The following CAMK1D variants were observed in gnomAD, a reference collection of about 807,000 sequenced individuals.
The protein encoded by CAMK1D is calcium/calmodulin dependent protein kinase ID.
CAMK1D carries 9 observed loss-of-function variants against 47.7 expected under a neutral mutation model. The observed-to-expected ratio is 0.19, with a 90% confidence interval of 0.11 to 0.33. The LOEUF is 0.33. Among genes scored for constraint, CAMK1D ranks in the 10% least tolerant of loss-of-function variants. The probability of loss-of-function intolerance (pLI) is 1.00; values close to 1 mark genes in which losing one functional copy is unlikely to be tolerated. For synonymous variants in CAMK1D, 184 were observed against 184.9 expected (o/e 0.99, Z 0.04); for missense variants, 291 against 488.7 (o/e 0.60, Z 3.81).
rs557265800 is a variant in CAMK1D, at chr10:12,610,280, G to C, written c.225-56456G>C. 2.0e-5 allele frequency among the ~76,000 whole-genome samples: 3 copies of C among 152,290 alleles called. No individual in the cohort carries two copies. In the South Asian group the frequency reaches 6.2e-4, roughly 32 times the overall value. ...GTGACAAGGCAGAGATGGGCAGGTA[G>C]CTTGATGTTTCCAGTTTGTAAGCTT... On this transcript the variant is annotated intron_variant, in intron 2 of 10. Coordinates refer to ENST00000619168, the MANE Select transcript of CAMK1D (RefSeq NM_153498.4).
intron 3 of CAMK1D, among the ~76,000 whole-genome samples, chr10:12,677,482 G>A (rs1276270489): frequency 6.6e-6 from 1 of 152,156 alleles, no homozygotes; most frequent in Non-Finnish European, 1.5e-5. Flanking sequence ...CTCCTCAGTA[G>A]TGCTCCTTAT....
intron 3 of CAMK1D, among the ~76,000 whole-genome samples, chr10:12,718,444 C>T (rs185924790): frequency 4.3e-4 from 65 of 152,292 alleles, no homozygotes; most frequent in African/African-American, 1.5e-3. Flanking sequence ...TGACGGTACC[C>T]ACAAGGTGGG....
intron 1 of CAMK1D, among the ~76,000 whole-genome samples, chr10:12,549,370 T>C (rs1836505687): frequency 6.6e-6 from 1 of 152,254 alleles, no homozygotes. Context: ...AGTTCATCCA[T>C]GTTCCAGCAT....
chr10:12,462,291 G>A (rs1324919514), intron 1 of CAMK1D, among the ~76,000 whole-genome samples: 2 of 149,548 alleles, frequency 1.3e-5, no homozygotes, highest in Non-Finnish European at 1.5e-5. Context: ...TTAGCCTCCC[G>A]AGTAACTGGG....
intron 2 of CAMK1D, among the ~76,000 whole-genome samples, chr10:12,623,616 G>C (rs1839114934): frequency 6.6e-6 from 1 of 151,300 alleles, no homozygotes; most frequent in African/African-American, 2.4e-5. Context: ...AACAAACTTA[G>C]GGAAACCGCA....
At chr10:12,476,014 C>T (rs180962933) in intron 1 of CAMK1D, among the ~76,000 whole-genome samples, 19 of 151,810 alleles carry the variant, frequency 1.3e-4, no homozygotes, top group Admixed American at 5.3e-4. Flanking sequence ...AAGTCTAGGC[C>T]GGGTGGGGTG....
chr10:12,740,084 A>G (rs1333025090), intron 3 of CAMK1D, among the ~76,000 whole-genome samples: 1 of 152,060 alleles, frequency 6.6e-6, no homozygotes, highest in East Asian at 1.9e-4. Context: ...CTGGGATATT[A>G]TTTCTCCACC....
intron 3 of CAMK1D, among the ~76,000 whole-genome samples, chr10:12,756,170 T>G (rs1479051843): frequency 6.6e-6 from 1 of 152,260 alleles, no homozygotes; most frequent in Non-Finnish European, 1.5e-5. Flanking sequence ...ATAGAATGGA[T>G]TATTGGAGCC....
intron 1 of CAMK1D, among the ~76,000 whole-genome samples, chr10:12,506,046 G>A (rs1343775265): frequency 6.6e-6 from 1 of 152,190 alleles, no homozygotes; most frequent in African/African-American, 2.4e-5. Flanking sequence ...AACTTCCTGA[G>A]CCTTTATTTT....
At position 12,665,674 on chromosome 10, in the gene CAMK1D, G is replaced by A. The variant is rs149950350; in HGVS notation, c.225-1062G>A. ...TTTTCTGTCACATGCTTTAAATAAT[G>A]TCAAGCCTTACATTCTGAGCAGAAA... On this transcript the variant is annotated intron_variant, in intron 2 of 10. Coordinates refer to ENST00000619168, the MANE Select transcript of CAMK1D (RefSeq NM_153498.4). Among the ~76,000 whole-genome samples, 1,366 of 152,304 alleles carry A rather than the reference G, an allele frequency of 9.0e-3. 18 individuals carry two copies. The highest frequency in any genetic ancestry group is 0.015 in the Non-Finnish European group (1,044 of 68,032).
At chr10:12,363,884 C>G (rs1238594092) in intron 1 of CAMK1D, among the ~76,000 whole-genome samples, 1 of 152,060 alleles carries the variant, frequency 6.6e-6, no homozygotes, top group Non-Finnish European at 1.5e-5. Flanking sequence ...GCTTCCACCT[C>G]TTGGCTGTTG....
chr10:12,598,968 C>T (rs1052788622), intron 2 of CAMK1D, among the ~76,000 whole-genome samples: 6 of 152,040 alleles, frequency 3.9e-5, no homozygotes, highest in Admixed American at 1.3e-4. Context: ...GGAATTAGCA[C>T]GAATGTACAC....
At chr10:12,420,950 C>G (rs1840029437) in intron 1 of CAMK1D, among the ~76,000 whole-genome samples, 2 of 152,140 alleles carry the variant, frequency 1.3e-5, no homozygotes, top group South Asian at 4.1e-4. Context: ...TTCCTTTTAT[C>G]TGGGAGAGAG....
intron 2 of CAMK1D, among the ~76,000 whole-genome samples, chr10:12,577,523 A>G (rs1837527418): frequency 6.6e-6 from 1 of 152,234 alleles, no homozygotes; most frequent in Non-Finnish European, 1.5e-5. Context: ...AGATCCAACA[A>G]AGTTCTGTTT....
At chr10:12,764,605 G>A (rs1836664536) in intron 4 of CAMK1D, among the ~76,000 whole-genome samples, 1 of 149,532 alleles carries the variant, frequency 6.7e-6, no homozygotes, top group Admixed American at 6.7e-5. Flanking sequence ...CCTGGGACAA[G>A]GAAGATAAAA....
intron 3 of CAMK1D, among the ~76,000 whole-genome samples, chr10:12,742,410 C>T (rs1312500898): frequency 6.6e-6 from 1 of 152,222 alleles, no homozygotes; most frequent in African/African-American, 2.4e-5. Flanking sequence ...GCTGGGATTA[C>T]AGGCATGAGC....
intron 1 of CAMK1D, among the ~76,000 whole-genome samples, chr10:12,380,887 G>A (rs374113730): frequency 6.6e-5 from 10 of 152,130 alleles, no homozygotes; most frequent in East Asian, 5.8e-4. Flanking sequence ...CAAACCCCAC[G>A]CATTTCTCAG....
chr10:12,431,136 T>G (rs932202876), intron 1 of CAMK1D, among the ~76,000 whole-genome samples: 1 of 152,362 alleles, frequency 6.6e-6, no homozygotes, highest in African/African-American at 2.4e-5. Flanking sequence ...TTTTAAAAAA[T>G]TATGCTTTCT....
At chr10:12,711,264 G>A (rs548050366) in intron 3 of CAMK1D, among the ~76,000 whole-genome samples, 1 of 152,148 alleles carries the variant, frequency 6.6e-6, no homozygotes, top group Admixed American at 6.5e-5. Context: ...GTGGTCATAG[G>A]GGACTGGAAC....
Sources: allele counts gnomAD v4.1 joint callset (sites outside exome capture counted in the v4.1 genomes callset), GRCh38; gene constraint gnomAD v4.1.1; transcripts MANE v1.5; gene names NCBI Gene and HGNC (gene_info 2026-07-23, HGNC 2026-07-21).